The following ITPKC variants were observed in gnomAD, a reference collection of about 807,000 sequenced individuals.
ITPKC encodes the protein IP3 3-kinase C.
ITPKC carries 33 observed loss-of-function variants against 67.1 expected under a neutral mutation model. That is an observed-to-expected ratio of 0.49 (90% confidence interval 0.37 to 0.66). The LOEUF (loss-of-function observed/expected upper bound fraction) is 0.66, where lower values mean the gene tolerates loss of function less well. ITPKC is among the 30% of genes least tolerant of loss of function. ITPKC has a pLI of 0.00. For synonymous variants in ITPKC, 341 were observed against 359.8 expected, an observed-to-expected ratio of 0.95 and a Z score of 0.59; for missense variants, 820 against 892.1, an observed-to-expected ratio of 0.92 and a Z score of 1.03.
At chr19:40,735,369 A>T (rs2082290060) in intron 4 of ITPKC, among the ~76,000 whole-genome samples, 2 of 148,488 alleles carry the variant, frequency 1.3e-5, no homozygotes, top group African/African-American at 5.0e-5. Context: ...ACAGGGTCTC[A>T]CTCTGTCATC....
chr19:40,724,506 G>C (rs1453936619), intron 1 of ITPKC, among the ~76,000 whole-genome samples: 1 of 152,124 alleles, frequency 6.6e-6, no homozygotes, highest in Non-Finnish European at 1.5e-5. Flanking sequence ...CACGGTCTCT[G>C]TCGCTGTCTC....
Position 40,717,819 on chromosome 19 carries a change from T to C in ITPKC, c.684T>C (p.Thr228=), listed in dbSNP as rs374452200. The C allele has an allele frequency of 3.1e-6, 5 of 1,613,958 alleles. No individual in the cohort carries two copies. The highest frequency in any genetic ancestry group is 4.2e-6 in the Non-Finnish European group (5 of 1,180,002). ...SADGSWKELY[T]DGSRTQQDIE... is the part of the protein sequence containing the mutation. ...ATGGCTCCTGGAAAGAATTGTATAC[T>C]GATGGCTCCAGGACACAACAGGATA... is the stretch of plus-strand genomic sequence containing the variant. The change falls in exon 1 of 7, where the codon ACT becomes ACC. Residue 228 remains threonine, a synonymous_variant. Coordinates refer to ENST00000263370, the MANE Select transcript of ITPKC (RefSeq NM_025194.3).
At chr19:40,726,652 G>A (rs1306134909) in intron 2 of ITPKC, among the ~76,000 whole-genome samples, 5 of 152,172 alleles carry the variant, frequency 3.3e-5, no homozygotes. Context: ...TTTGTCTTTA[G>A]ATCTGACCTG....
At chr19:40,733,709 G>T (rs913838050) in intron 4 of ITPKC, among the ~76,000 whole-genome samples, 1 of 152,094 alleles carries the variant, frequency 6.6e-6, no homozygotes, top group Non-Finnish European at 1.5e-5. Flanking sequence ...CTATGGAGAA[G>T]GTTTCTCTTT....
intron 3 of ITPKC, among the ~76,000 whole-genome samples, chr19:40,730,876 C>T (rs539307282): frequency 3.3e-5 from 5 of 152,182 alleles, no homozygotes; most frequent in Non-Finnish European, 7.3e-5. Context: ...CACCAAGCAA[C>T]GGACACCAGC....
At position 40,717,288 on chromosome 19, in the gene ITPKC, G is replaced by A; in HGVS notation, c.153G>A (p.Gly51=). The change falls in exon 1 of 7, where the codon GGG becomes GGA. Residue 51 remains glycine (G), a synonymous_variant. Coordinates refer to ENST00000263370, the MANE Select transcript of ITPKC (RefSeq NM_025194.3). Reference sequence around the variant, plus strand: ...GGCCCGGCGCAGGGGCCCCGGCGGGGCGGCCGGAGGGGGGCGGGCCCTGGG... The same window carrying A: ...GGCCCGGCGCAGGGGCCCCGGCGGGACGGCCGGAGGGGGGCGGGCCCTGGG... ...RPGPGAGAPA[G]RPEGGGPWAR... 6.8e-7 allele frequency: 1 copy of A among 1,464,504 alleles called. No individual in the cohort carries two copies. Among genetic ancestry groups the A allele is most frequent in the Non-Finnish European group, 9.0e-7 (1 of 1,113,414 alleles). The allele number at this position is 1,464,504 out of a possible 1,614,324, so 90.7% of individuals were successfully genotyped here.
At chr19:40,718,418 T>C in intron 1 of ITPKC, 128 bp downstream of exon 1, 1 of 1,198,356 alleles carries the variant, frequency 8.3e-7, no homozygotes, top group South Asian at 1.9e-5. Flanking sequence ...CGGGAACCTC[T>C]TCCATCCACT....
rs115014674 is a variant in ITPKC at position 40,736,295 on chromosome 19, A to C, written c.1675-691A>C. Among the ~76,000 whole-genome samples the C allele has an allele frequency of 9.6e-3, 1,455 of 152,108 alleles. 35 individuals are homozygous for C. Among genetic ancestry groups the C allele is most frequent in the African/African-American group, 0.034 (1,394 of 41,490 alleles). On this transcript the variant is annotated intron_variant, in intron 4 of 6. Transcript: ENST00000263370. ...ACAGAGTGAGACTCTGTCAAAAAAA[A>C]AAAGAAAAGAGCAGAGTCACGATTC...
chr19:40,724,425 C>G (rs1194587711), intron 1 of ITPKC, among the ~76,000 whole-genome samples: 1 of 152,126 alleles, frequency 6.6e-6, no homozygotes, highest in African/African-American at 2.4e-5. Context: ...ACAACAATCC[C>G]CAGTTCAGGA....
intron 4 of ITPKC, 62 bp from the exon 5 acceptor site, chr19:40,736,921 TTGC>T (rs2082297040): frequency 9.1e-7 from 1 of 1,101,130 alleles, no homozygotes; most frequent in East Asian, 2.6e-5. Flanking sequence ...GTATTTGAGG[TTGC>T]TGGGTATTGG....
chr19:40,718,084 T>G lies in ITPKC; in HGVS notation c.949T>G (p.Ser317Ala). ...EPGELLTHLYSHLKCSPLCPV... is the reference protein window; with the variant it reads ...EPGELLTHLYAHLKCSPLCPV... ...TGGAGAATTGCTGACTCACCTGTAC[T>G]CTCACCTGAAGTGTAGCCCCCTGTG... Residue 317 changes from serine (S) to alanine (A), a missense_variant, in exon 1 of 7, where the codon TCT becomes GCT. By Grantham distance (99) the Ser-to-Ala change is moderately conservative. Around this residue, in one of 2 missense-constraint regions of ITPKC, gnomAD observed 481 missense variants for 470.1 expected, o/e 1.02. Transcript: ENST00000263370. 1 of 1,613,948 alleles carries G rather than the reference T, an allele frequency of 6.2e-7. No individual in the cohort carries two copies. Among genetic ancestry groups the G allele is most frequent in the South Asian group, 1.1e-5 (1 of 91,080 alleles).
At chr19:40,737,425 G>A (rs2082299768) in intron 5 of ITPKC, among the ~76,000 whole-genome samples, 1 of 152,258 alleles carries the variant, frequency 6.6e-6, no homozygotes, top group East Asian at 1.9e-4. Context: ...CTGCCGTTCG[G>A]CAAGTCATGT....
At chr19:40,725,519 C>T (rs1808792571) in intron 2 of ITPKC, 80 bp downstream of exon 2, 6 of 972,540 alleles carry the variant, frequency 6.2e-6, no homozygotes, top group Non-Finnish European at 1.0e-5. Context: ...TTTAGTTCCC[C>T]CACCTAGTGA....
chr19:40,737,156 T>C, intron 5 of ITPKC, 69 bp downstream of exon 5: 1 of 1,042,972 alleles, frequency 9.6e-7, no homozygotes, highest in South Asian at 1.4e-5. Flanking sequence ...TGCTCCAGAG[T>C]CAGTGGTCTT....
rs746609570 is a variant in ITPKC at position 40,718,300 on chromosome 19, A to T, written c.1155+10A>T. The T allele has an allele frequency of 5.3e-6, 8 of 1,503,220 alleles. No individual in the cohort carries two copies. The African/African-American group carries it at 9.8e-5, about 18-fold the overall frequency. 93.1% of individuals were successfully genotyped at this position (1,503,220 alleles called of 1,614,324 possible). On this transcript the variant is annotated intron_variant, in intron 1 of 6. Transcript: ENST00000263370. ...CGAGGACAGGTCTGGGGTGAGTGGGACCCATCCTGCCCTTGAGCCACATCA... is the reference window on the plus strand; with the variant it reads ...CGAGGACAGGTCTGGGGTGAGTGGGTCCCATCCTGCCCTTGAGCCACATCA...
chr19:40,732,670 G>A (rs1455495615), intron 3 of ITPKC, among the ~76,000 whole-genome samples: 2 of 152,026 alleles, frequency 1.3e-5, no homozygotes, highest in Non-Finnish European at 2.9e-5. Context: ...GGGCTCAAGT[G>A]AACCTCCTGC....
chr19:40,718,359 G>A, intron 1 of ITPKC, 69 bp downstream of exon 1: 1 of 1,473,898 alleles, frequency 6.8e-7, no homozygotes, highest in East Asian at 2.3e-5. Flanking sequence ...CTTTGCTTAG[G>A]AAGTTCTCTA....
At chr19:40,736,645 A>G (rs1409333210) in intron 4 of ITPKC, among the ~76,000 whole-genome samples, 2 of 152,012 alleles carry the variant, frequency 1.3e-5, no homozygotes, top group Non-Finnish European at 2.9e-5. Context: ...CTGGGATTAC[A>G]GGCGCCCGCC....
chr19:40,737,033 G>C lies in ITPKC; in HGVS notation c.1722G>C (p.Leu574=). The change falls in exon 5 of 7, where the codon CTG becomes CTC. Residue 574 remains leucine (L), a synonymous_variant. Transcript: ENST00000263370. ...CNTNFKKTQA[L]EQVTKVLEDF... ...CCAACTTCAAGAAGACGCAGGCACT[G>C]GAGCAGGTGACAAAAGTGCTGGAGG... 2.5e-6 allele frequency: 4 copies of C among 1,594,504 alleles called. No homozygotes were observed. The highest frequency in any genetic ancestry group is 3.4e-6 in the Non-Finnish European group (4 of 1,169,032).
Sources: gnomAD v4.1 joint callset for allele counts (sites outside exome capture counted in the v4.1 genomes callset) on GRCh38, gnomAD v4.1.1 for gene constraint, gnomAD v4.1.1 regional missense constraint, MANE v1.5 for transcripts, NCBI Gene and HGNC (gene_info 2026-07-23, HGNC 2026-07-21) for gene names.